Variants in ATP9B observed in about 807,000 individuals in gnomAD.
ATP9B encodes ATPase phospholipid transporting 9B.
In ATP9B, 110 loss-of-function variants were observed where a neutral mutation model predicts 146.1. The observed-to-expected ratio is 0.75, with a 90% CI of 0.65 to 0.88. ATP9B has a LOEUF of 0.88. Among genes scored for constraint, ATP9B ranks in the 40% least tolerant of loss-of-function variants. The pLI is 0.00. For missense variants in ATP9B, 1,499 were observed against 1,496.4 expected (o/e 1.00, Z -0.03); for synonymous variants, 604 against 569.7 (o/e 1.06, Z -0.86).
intron 5 of ATP9B, 64 bp from the exon 6 acceptor site, chr18:79,143,738 T>G (rs1281432195): frequency 9.8e-7 from 1 of 1,024,496 alleles, no homozygotes; most frequent in Non-Finnish European, 1.4e-6. Context: ...TATTTTTTAA[T>G]TGAAAGTTGA....
chr18:79,121,680 A>G lies in ATP9B; in HGVS notation c.559-4587A>G, dbSNP rs192404911. Among the ~76,000 whole-genome samples, 3 of 152,274 alleles carry G rather than the reference A, an allele frequency of 2.0e-5. No homozygotes were observed. The East Asian group carries it at 5.8e-4, about 29-fold the overall frequency. The stretch of plus-strand genomic sequence containing the variant: ...GATAGATACGCAGGGGATGGACGTG[A>G]TGGTGGTGACATCTTTTGGGTGTTG... On this transcript the variant is annotated intron_variant, in intron 4 of 29. Coordinates refer to ENST00000426216, the MANE Select transcript of ATP9B (RefSeq NM_198531.5).
intron 1 of ATP9B, among the ~76,000 whole-genome samples, chr18:79,088,939 C>A (rs2074077482): frequency 6.6e-6 from 1 of 152,130 alleles, no homozygotes. Flanking sequence ...CCACTCTTAC[C>A]AGCGATTAAG....
intron 11 of ATP9B, among the ~76,000 whole-genome samples, chr18:79,231,776 G>GTATATA (rs1217766089): frequency 1.1e-5 from 1 of 94,984 alleles, no homozygotes; most frequent in African/African-American, 4.1e-5. Flanking sequence ...ATGTGTGTGT[G>GTATATA]TGTATATATA....
chr18:79,249,887 TGTA>T (rs1429780884), intron 11 of ATP9B, among the ~76,000 whole-genome samples: 2 of 152,242 alleles, frequency 1.3e-5, no homozygotes, highest in Non-Finnish European at 2.9e-5. Context: ...CACTATATGC[TGTA>T]GTTTGGTTAC....
chr18:79,191,421 CCT>C (rs1053696319), intron 8 of ATP9B, among the ~76,000 whole-genome samples: 1 of 152,012 alleles, frequency 6.6e-6, no homozygotes, highest in African/African-American at 2.4e-5. Context: ...GTTTTTTCAT[CCT>C]CTCTCTGTCC....
chr18:79,205,940 CTT>C (rs571170067), intron 9 of ATP9B, among the ~76,000 whole-genome samples: 2 of 144,738 alleles, frequency 1.4e-5, no homozygotes, highest in Non-Finnish European at 3.1e-5. Flanking sequence ...TAACAGCATA[CTT>C]TTTTTTTTTT....
rs570805469 is a variant in ATP9B, at chr18:79,351,417, C to T, written c.2903+3221C>T. 9.8e-5 allele frequency among the ~76,000 whole-genome samples: 15 copies of T among 152,306 alleles called. No individual in the cohort carries two copies. The Middle Eastern group carries it at 0.01, about 104-fold the overall frequency. ...GAAACGTCTGTGACTTTCTTAAGCA[C>T]TCATACTCTGAATTGGGTTAGGTGG... On this transcript the variant is annotated intron_variant, in intron 25 of 29. Coordinates refer to ENST00000426216, the MANE Select transcript of ATP9B (RefSeq NM_198531.5).
intron 23 of ATP9B, 74 bp downstream of exon 23, chr18:79,345,913 AC>A: frequency 6.6e-7 from 1 of 1,515,888 alleles, no homozygotes. Context: ...ATGCTGGGCC[AC>A]TGTACACTCA....
intron 4 of ATP9B, among the ~76,000 whole-genome samples, chr18:79,123,007 T>TAAC (rs1048515687): frequency 1.3e-5 from 2 of 152,196 alleles, no homozygotes; most frequent in Non-Finnish European, 2.9e-5. Context: ...AAAGACTGAA[T>TAAC]GTGTTCCCCT....
intron 11 of ATP9B, among the ~76,000 whole-genome samples, chr18:79,234,632 G>GCC: frequency 1.3e-5 from 2 of 150,946 alleles, no homozygotes; most frequent in Non-Finnish European, 3.0e-5. Context: ...CTTGCTGTGG[G>GCC]TGTGCTGCTG....
intron 11 of ATP9B, among the ~76,000 whole-genome samples, chr18:79,249,823 T>C (rs943854786): frequency 6.6e-6 from 1 of 152,204 alleles, no homozygotes; most frequent in African/African-American, 2.4e-5. Flanking sequence ...TCTTTTCTTC[T>C]GTTTTGTTAG....
At chr18:79,123,172 C>A (rs937570118) in intron 4 of ATP9B, among the ~76,000 whole-genome samples, 9 of 151,724 alleles carry the variant, frequency 5.9e-5, no homozygotes, top group African/African-American at 2.2e-4. Context: ...ATAGGAAAAC[C>A]TAGGGAATCT....
Position 79,207,026 on chromosome 18 carries a change from TCTC to T in ATP9B, c.1030+18_1030+20del. 6.2e-7 allele frequency: 1 copy of T among 1,610,532 alleles called. No individual in the cohort carries two copies. The highest frequency in any genetic ancestry group is 8.5e-7 in the Non-Finnish European group (1 of 1,176,778). On this transcript the variant is annotated intron_variant, in intron 10 of 29. Coordinates refer to ENST00000426216, the MANE Select transcript of ATP9B (RefSeq NM_198531.5). Reference sequence around the variant, plus strand: ...TTGTTGCATCAGGTAAGGAAAACATTCTCCTCTGAGTGTGATTGCTCCCGGATA... The same window carrying T: ...TTGTTGCATCAGGTAAGGAAAACATTCTCTGAGTGTGATTGCTCCCGGATA...
rs1286712958 is a variant in ATP9B at position 79,375,374 on chromosome 18, T to G, written c.3275-20T>G. On this transcript the variant is annotated intron_variant, in intron 28 of 29. Coordinates refer to ENST00000426216, the MANE Select transcript of ATP9B (RefSeq NM_198531.5). ...TCCTTTAATCTGTCCTTTATTTTCTTTATTACTGTTTTGGAACAGGTATAG... is the reference window on the plus strand; with the variant it reads ...TCCTTTAATCTGTCCTTTATTTTCTGTATTACTGTTTTGGAACAGGTATAG... The G allele has an allele frequency of 3.1e-6, 5 of 1,600,356 alleles. No individual in the cohort carries two copies. The African/African-American group carries it at 5.4e-5, about 17-fold the overall frequency.
chr18:79,096,388 T>C (rs1394869922), intron 1 of ATP9B, 88 bp from the exon 2 acceptor site: 41 of 1,254,980 alleles, frequency 3.3e-5, no homozygotes. Context: ...GAAGACAGCC[T>C]AATTTGAGGA....
At chr18:79,175,443 A>G (rs1453293064) in intron 7 of ATP9B, among the ~76,000 whole-genome samples, 1 of 152,216 alleles carries the variant, frequency 6.6e-6, no homozygotes, top group Non-Finnish European at 1.5e-5. Flanking sequence ...TCCTGCCTCT[A>G]TAGGTATTAT....
At chr18:79,122,751 G>A (rs1398152986) in intron 4 of ATP9B, among the ~76,000 whole-genome samples, 1 of 152,010 alleles carries the variant, frequency 6.6e-6, no homozygotes, top group Non-Finnish European at 1.5e-5. Flanking sequence ...TTTTTCTGTT[G>A]CTAACTCTAG....
At chr18:79,249,331 G>T (rs538814794) in intron 11 of ATP9B, among the ~76,000 whole-genome samples, 2 of 152,124 alleles carry the variant, frequency 1.3e-5, no homozygotes, top group Non-Finnish European at 1.5e-5. Flanking sequence ...TAGACATTAT[G>T]CACAAATTTT....
intron 17 of ATP9B, among the ~76,000 whole-genome samples, chr18:79,332,377 C>G (rs1388102124): frequency 1.3e-5 from 2 of 152,180 alleles, no homozygotes; most frequent in Non-Finnish European, 2.9e-5. Flanking sequence ...TGCAGTGAGC[C>G]AAGATCGCGA....
Sources: allele counts gnomAD v4.1 joint callset (sites outside exome capture counted in the v4.1 genomes callset), GRCh38; gene constraint gnomAD v4.1.1; transcripts MANE v1.5; gene names NCBI Gene and HGNC (gene_info 2026-07-23, HGNC 2026-07-21).